Variants in ARFGAP3 observed in about 807,000 individuals in gnomAD.
The protein encoded by ARFGAP3 is ADP-ribosylation factor GTPase-activating protein 3.
Under a neutral mutation model 75.0 loss-of-function variants are expected in ARFGAP3, and 72 were observed. That is an observed-to-expected ratio of 0.96 (90% CI 0.79 to 1.17). ARFGAP3 has a LOEUF of 1.17. ARFGAP3 is among the 50% of genes most tolerant of loss of function. The pLI is 0.00. For synonymous variants in ARFGAP3, 221 were observed against 217.9 expected (o/e 1.01, Z -0.13); for missense variants, 620 against 626.6 (o/e 0.99, Z 0.11).
At chr22:42,856,994 G>C in intron 1 of ARFGAP3, 120 bp downstream of exon 1, 1 of 1,059,626 alleles carries the variant, frequency 9.4e-7, no homozygotes. Flanking sequence ...GCCCCACAGT[G>C]CGACGTGTCA....
At chr22:42,844,953 T>G (rs1926947244) in intron 2 of ARFGAP3, among the ~76,000 whole-genome samples, 1 of 152,150 alleles carries the variant, frequency 6.6e-6, no homozygotes, top group Non-Finnish European at 1.5e-5. Flanking sequence ...CCCAAACAGA[T>G]CCTGCTGTAC....
rs1461687237 is a variant in ARFGAP3 at position 42,847,702 on chromosome 22, A to G, written c.70-70T>C. The G allele has an allele frequency of 1.6e-5, 24 of 1,546,896 alleles. No individual in the cohort carries two copies. In the Admixed American group the frequency reaches 4.8e-4, roughly 31 times the overall value. On this transcript the variant is annotated intron_variant, in intron 1 of 15. Coordinates refer to ENST00000263245, the MANE Select transcript of ARFGAP3 (RefSeq NM_014570.5). ...ATAAATTATCCTGTAAGATACAGTA[A>G]ATGACTTAGCTTGAAAACTGTTTAA...
intron 1 of ARFGAP3, among the ~76,000 whole-genome samples, chr22:42,856,747 G>A (rs970184298): frequency 2.6e-5 from 4 of 151,886 alleles, no homozygotes; most frequent in Non-Finnish European, 4.4e-5. Context: ...GCCAGCAGCC[G>A]GGGTTTCCGA....
At chr22:42,823,552 T>A (rs1181778382) in intron 8 of ARFGAP3, 104 bp downstream of exon 8, 1 of 833,292 alleles carries the variant, frequency 1.2e-6, no homozygotes, top group Non-Finnish European at 1.8e-6. Flanking sequence ...AAAGCTACAT[T>A]TATTACAAGA....
chr22:42,819,874 A>G (rs1394385109), intron 9 of ARFGAP3, among the ~76,000 whole-genome samples: 3 of 152,244 alleles, frequency 2.0e-5, no homozygotes, highest in Admixed American at 2.0e-4. Flanking sequence ...TCATTAAGGC[A>G]CAGTGGTGTG....
chr22:42,842,987 T>A (rs1451301402), intron 2 of ARFGAP3, among the ~76,000 whole-genome samples: 1 of 151,872 alleles, frequency 6.6e-6, no homozygotes, highest in Non-Finnish European at 1.5e-5. Flanking sequence ...CAGGTCCTAG[T>A]ATTCTCACCC....
At chr22:42,819,385 A>G (rs994057217) in intron 9 of ARFGAP3, among the ~76,000 whole-genome samples, 1 of 152,242 alleles carries the variant, frequency 6.6e-6, no homozygotes, top group African/African-American at 2.4e-5. Flanking sequence ...TTAGAAAGAT[A>G]AGAGATGGAA....
Position 42,832,949 on chromosome 22 carries a change from C to T in ARFGAP3, c.477+1293G>A, listed in dbSNP as rs545028029. 6.6e-5 allele frequency among the ~76,000 whole-genome samples: 10 copies of T among 150,454 alleles called. 1 individual carries two copies. The highest frequency in any genetic ancestry group is 4.0e-4 in the Admixed American group (6 of 15,096). ...GCAGTGAGCCGAGATCGCGCCATTG[C>T]GCTACAGCCTGGGAAACAAGAGGGA... On this transcript the variant is annotated intron_variant, in intron 5 of 15. Transcript: ENST00000263245.
At chr22:42,802,848 C>T (rs1924940131) in intron 14 of ARFGAP3, among the ~76,000 whole-genome samples, 2 of 151,938 alleles carry the variant, frequency 1.3e-5, no homozygotes, top group Admixed American at 1.3e-4. Context: ...GATCTGCCCG[C>T]CTCGGCCTCC....
intron 11 of ARFGAP3, among the ~76,000 whole-genome samples, chr22:42,814,618 C>A (rs1047439426): frequency 2.6e-5 from 4 of 152,228 alleles, no homozygotes; most frequent in Admixed American, 1.3e-4. Context: ...GGCAGAAAGG[C>A]CCCACAGGGG....
intron 11 of ARFGAP3, among the ~76,000 whole-genome samples, chr22:42,816,401 C>G (rs1164430441): frequency 6.6e-6 from 1 of 152,180 alleles, no homozygotes; most frequent in East Asian, 1.9e-4. Context: ...GGCCCCTGGG[C>G]CCATATTCTT....
At chr22:42,824,972 A>C (rs1367334801) in intron 7 of ARFGAP3, among the ~76,000 whole-genome samples, 1 of 152,232 alleles carries the variant, frequency 6.6e-6, no homozygotes, top group East Asian at 1.9e-4. Flanking sequence ...TAGTTTGTTT[A>C]CGATAATGGC....
chr22:42,801,629 G>T (rs1296831361), intron 14 of ARFGAP3, among the ~76,000 whole-genome samples: 2 of 152,174 alleles, frequency 1.3e-5, no homozygotes, highest in Non-Finnish European at 2.9e-5. Flanking sequence ...GAGGTAGGGG[G>T]AGGCGTGTTC....
At chr22:42,801,411 G>A (rs1924855321) in intron 14 of ARFGAP3, among the ~76,000 whole-genome samples, 1 of 152,226 alleles carries the variant, frequency 6.6e-6, no homozygotes, top group Non-Finnish European at 1.5e-5. Flanking sequence ...ACCCACAACT[G>A]ATGTTTGCTG....
At chr22:42,808,376 T>C (rs1925218288) in intron 13 of ARFGAP3, among the ~76,000 whole-genome samples, 1 of 148,914 alleles carries the variant, frequency 6.7e-6, no homozygotes, top group South Asian at 2.1e-4. Context: ...CCAGCCTGGG[T>C]GACAGAAGGA....
At position 42,835,499 on chromosome 22, in the gene ARFGAP3, G is replaced by T; in HGVS notation, c.262-6C>A. On this transcript the variant is annotated splice_region_variant and splice_polypyrimidine_tract_variant and intron_variant, in intron 3 of 15. Transcript: ENST00000263245. ...TGTTGATGAAAAAAGGAAGACTACA[G>T]AGAAAAGCATGCACATTAATATTTT... 1 of 1,613,562 alleles carries T rather than the reference G, an allele frequency of 6.2e-7. No homozygotes were observed.
intron 14 of ARFGAP3, among the ~76,000 whole-genome samples, chr22:42,800,115 T>C (rs1335509336): frequency 6.6e-6 from 1 of 152,180 alleles, no homozygotes; most frequent in Non-Finnish European, 1.5e-5. Flanking sequence ...TAAACTTCTG[T>C]GTCACAATTG....
chr22:42,814,747 T>C (rs1925506598), intron 11 of ARFGAP3, among the ~76,000 whole-genome samples: 1 of 151,978 alleles, frequency 6.6e-6, no homozygotes, highest in Non-Finnish European at 1.5e-5. Context: ...AAACTTTCTC[T>C]TTTTTTTGAG....
At chr22:42,849,409 C>A (rs183894382) in intron 1 of ARFGAP3, among the ~76,000 whole-genome samples, 1 of 152,202 alleles carries the variant, frequency 6.6e-6, no homozygotes, top group African/African-American at 2.4e-5. Context: ...ACGTTCCCTG[C>A]CCACTGAGGG....
Sources: gnomAD v4.1 joint callset for allele counts (sites outside exome capture counted in the v4.1 genomes callset) on GRCh38, gnomAD v4.1.1 for gene constraint, MANE v1.5 for transcripts, NCBI Gene and HGNC (gene_info 2026-07-23, HGNC 2026-07-21) for gene names.